GAS7: variants seen among roughly 807,000 people sequenced by gnomAD.
GAS7 encodes the protein growth arrest-specific protein 7.
A neutral mutation model predicts 71.1 loss-of-function variants in GAS7; 28 were observed. The ratio of observed to expected loss-of-function variants is 0.39; its 90% CI spans 0.29 to 0.54. The LOEUF (loss-of-function observed/expected upper bound fraction) is 0.54. Ranked by LOEUF, GAS7 falls within the 20% of genes least tolerant of loss-of-function variation. The probability of loss-of-function intolerance (pLI) is 0.62; values close to 1 mark genes in which losing one functional copy is unlikely to be tolerated. For missense variants in GAS7, 436 were observed against 627.8 expected, an observed-to-expected ratio of 0.69 and a Z score of 3.27; for synonymous variants, 258 against 245.8, an observed-to-expected ratio of 1.05 and a Z score of -0.46.
At chr17:9,975,531 A>C (rs1340110159) in intron 3 of GAS7, among the ~76,000 whole-genome samples, 799 of 90,608 alleles carry the variant, frequency 8.8e-3, no homozygotes, top group Admixed American at 0.017. Context: ...CTTCTTTCTC[A>C]CCCCCCCCTT....
intron 1 of GAS7, among the ~76,000 whole-genome samples, chr17:10,084,648 G>A (rs1487743937): frequency 1.5e-4 from 23 of 152,140 alleles, no homozygotes; most frequent in Non-Finnish European, 3.4e-4. Context: ...TGTATTTTTA[G>A]TAGAGATGGG....
intron 2 of GAS7, among the ~76,000 whole-genome samples, chr17:10,018,616 G>GT (rs2072134249): frequency 2.6e-5 from 4 of 152,166 alleles, no homozygotes; most frequent in African/African-American, 9.7e-5. Context: ...TACCTCTTGC[G>GT]CTAGAACACC....
At chr17:10,180,558 C>T (rs1268139777) in intron 1 of GAS7, among the ~76,000 whole-genome samples, 6 of 152,192 alleles carry the variant, frequency 3.9e-5, no homozygotes, top group East Asian at 3.9e-4. Flanking sequence ...ATTTCTTCAA[C>T]GCCTGTTTTT....
chr17:10,170,377 C>G (rs987914631), intron 1 of GAS7, among the ~76,000 whole-genome samples: 1 of 152,086 alleles, frequency 6.6e-6, no homozygotes, highest in Non-Finnish European at 1.5e-5. Flanking sequence ...ACCACACACA[C>G]TCACTCTGCC....
chr17:9,957,207 A>G (rs2069277856), intron 5 of GAS7, among the ~76,000 whole-genome samples: 1 of 152,258 alleles, frequency 6.6e-6, no homozygotes. Context: ...GTCTGGCCCC[A>G]GAGAAAACAA....
At chr17:9,953,802 T>C (rs1391587710) in intron 5 of GAS7, among the ~76,000 whole-genome samples, 1 of 152,262 alleles carries the variant, frequency 6.6e-6, no homozygotes, top group East Asian at 1.9e-4. Context: ...GACAGCCTGT[T>C]CTACAAGGGG....
At chr17:10,036,387 A>T in intron 1 of GAS7, 2 of 1,465,994 alleles carry the variant, frequency 1.4e-6, no homozygotes, top group Non-Finnish European at 1.9e-6. Flanking sequence ...ATGCAGAGAA[A>T]AGCAAACTGG....
chr17:10,151,910 G>C (rs542220378), intron 1 of GAS7, among the ~76,000 whole-genome samples: 2 of 152,280 alleles, frequency 1.3e-5, no homozygotes, highest in East Asian at 3.9e-4. Flanking sequence ...TTTGTTAATG[G>C]AAGAAGAGAG....
chr17:10,195,591 C>T (rs1333821275), intron 1 of GAS7, among the ~76,000 whole-genome samples: 1 of 152,206 alleles, frequency 6.6e-6, no homozygotes, highest in African/African-American at 2.4e-5. Context: ...CTGCCCTGGC[C>T]TTCTGAACTC....
intron 1 of GAS7, among the ~76,000 whole-genome samples, chr17:10,049,660 G>A (rs531579612): frequency 1.7e-4 from 18 of 107,472 alleles, no homozygotes; most frequent in African/African-American, 5.6e-4. Flanking sequence ...TCACTCTGTC[G>A]CCCAGGCTGG....
chr17:10,153,293 A>C (rs1443907547), intron 1 of GAS7, among the ~76,000 whole-genome samples: 4 of 152,028 alleles, frequency 2.6e-5, no homozygotes, highest in South Asian at 2.1e-4. Context: ...CGAGGTCAGG[A>C]ATTCAAGACC....
intron 9 of GAS7, among the ~76,000 whole-genome samples, chr17:9,929,774 A>G (rs6503271): frequency 0.75 from 114,504 of 152,052 alleles, 44,289 homozygotes; most frequent in African/African-American, 0.94. Context: ...ACTGTGCCCG[A>G]CGATATTAAG....
At chr17:10,016,621 A>G (rs1239571101) in intron 2 of GAS7, among the ~76,000 whole-genome samples, 5 of 88,986 alleles carry the variant, frequency 5.6e-5, no homozygotes, top group Admixed American at 9.7e-5. Context: ...AAAAAAAAAA[A>G]AAACAAAACA....
chr17:10,126,622 TCACA>T (rs962235686), intron 1 of GAS7, among the ~76,000 whole-genome samples: 5 of 151,494 alleles, frequency 3.3e-5, no homozygotes, highest in South Asian at 4.2e-4. Context: ...GCAGACACAC[TCACA>T]CACTCGCGCA....
chr17:9,950,683 C>G (rs1005615290), intron 5 of GAS7, among the ~76,000 whole-genome samples: 3 of 152,056 alleles, frequency 2.0e-5, no homozygotes, highest in Non-Finnish European at 4.4e-5. Flanking sequence ...TAGTGAAACC[C>G]TGTCTCTACT....
intron 1 of GAS7, among the ~76,000 whole-genome samples, chr17:10,179,141 C>T (rs1407733909): frequency 6.6e-6 from 1 of 151,986 alleles, no homozygotes; most frequent in East Asian, 1.9e-4. Flanking sequence ...ACCAGCCTGA[C>T]CAACATGGAG....
At chr17:10,094,577 T>C (rs1372654390) in intron 1 of GAS7, among the ~76,000 whole-genome samples, 2 of 152,138 alleles carry the variant, frequency 1.3e-5, no homozygotes, top group African/African-American at 4.8e-5. Context: ...CAAGCAATTC[T>C]CCTGCCTCAG....
At chr17:9,945,706 C>T (rs1214829463) in intron 6 of GAS7, among the ~76,000 whole-genome samples, 2 of 151,620 alleles carry the variant, frequency 1.3e-5, no homozygotes, top group Non-Finnish European at 2.9e-5. Flanking sequence ...CACGATGGCT[C>T]ATGCCTGTAA....
chr17:10,050,841 A>C (rs985584441), intron 1 of GAS7, among the ~76,000 whole-genome samples: 1 of 152,102 alleles, frequency 6.6e-6, no homozygotes, highest in South Asian at 2.1e-4. Flanking sequence ...CCATTCAAAC[A>C]AGGGGGCCTG....
Sources: allele counts gnomAD v4.1 joint callset (sites outside exome capture counted in the v4.1 genomes callset), GRCh38; gene constraint gnomAD v4.1.1; transcripts MANE v1.5; gene names NCBI Gene and HGNC (gene_info 2026-07-23, HGNC 2026-07-21).